PEX14: variants seen among roughly 807,000 people sequenced by gnomAD.
PEX14 encodes the protein peroxisomal membrane protein PEX14.
A neutral mutation model predicts 49.5 loss-of-function variants in PEX14; 15 were observed. The observed-to-expected ratio is 0.30, with a 90% confidence interval of 0.20 to 0.47. PEX14 has a LOEUF of 0.47. Among genes scored for constraint, PEX14 ranks in the 20% least tolerant of loss-of-function variants. The pLI, the probability that PEX14 is intolerant of heterozygous loss-of-function variation, is 1.00. For missense variants in PEX14, 398 were observed against 494.8 expected, an observed-to-expected ratio of 0.80 and a Z score of 1.86; for synonymous variants, 210 against 212.7, an observed-to-expected ratio of 0.99 and a Z score of 0.11.
chr1:10,581,387 A>G (rs768135009), intron 3 of PEX14, among the ~76,000 whole-genome samples: 2 of 149,550 alleles, frequency 1.3e-5, no homozygotes, highest in Non-Finnish European at 3.0e-5. Context: ...GCTCACTGCA[A>G]CCTGTGTCTC....
At chr1:10,550,399 G>A (rs959413874) in intron 3 of PEX14, among the ~76,000 whole-genome samples, 3 of 152,198 alleles carry the variant, frequency 2.0e-5, no homozygotes, top group Admixed American at 1.3e-4. Flanking sequence ...AATTGTCCAT[G>A]TCAGCTGTGA....
chr1:10,621,931 T>A (rs1641607733), intron 5 of PEX14, among the ~76,000 whole-genome samples: 1 of 152,056 alleles, frequency 6.6e-6, no homozygotes, highest in Admixed American at 6.5e-5. Context: ...CCCAGATAGA[T>A]TAAGAACCAA....
rs1293297918 is a variant in PEX14, at chr1:10,621,984, CTCTGG to C, written c.385-1034_385-1030del. The stretch of plus-strand genomic sequence containing the variant: ...TCCTGCCAGGCTTGCACTGCACTGC[CTCTGG>C]CAGTGCCCACTGAAGGGGGCAGCGG... On this transcript the variant is annotated intron_variant, in intron 5 of 8. Coordinates refer to ENST00000356607, the MANE Select transcript of PEX14 (RefSeq NM_004565.3). 2.6e-5 allele frequency among the ~76,000 whole-genome samples: 4 copies of C among 152,264 alleles called. No homozygotes were observed. The East Asian group carries it at 7.7e-4, about 29-fold the overall frequency.
chr1:10,503,155 C>T (rs1641712637), intron 2 of PEX14, among the ~76,000 whole-genome samples: 1 of 151,460 alleles, frequency 6.6e-6, no homozygotes, highest in Non-Finnish European at 1.5e-5. Context: ...GGGAAAAGTT[C>T]TGTTTCCTCC....
chr1:10,624,351 C>G lies in PEX14; in HGVS notation c.499C>G (p.Gln167Glu). 6.2e-7 allele frequency: 1 copy of G among 1,611,922 alleles called. No individual in the cohort carries two copies. Among genetic ancestry groups the G allele is most frequent in the Non-Finnish European group, 8.5e-7 (1 of 1,178,298 alleles). Residue 167 changes from glutamine (Q) to glutamate (E), a missense_variant, in exon 7 of 9, where the codon CAG becomes GAG. Physicochemically the swap from Gln to Glu is conservative, Grantham distance 29. Coordinates refer to ENST00000356607, the MANE Select transcript of PEX14 (RefSeq NM_004565.3). ...GSVAQTVTQL[Q>E]TTLASVQELL... ...CTTTCTCCTCGCAGTGACTCAGTTA[C>G]AGACGACCCTCGCCTCCGTCCAGGA...
At chr1:10,505,274 C>G (rs906137126) in intron 2 of PEX14, among the ~76,000 whole-genome samples, 1 of 152,004 alleles carries the variant, frequency 6.6e-6, no homozygotes, top group South Asian at 2.1e-4. Context: ...GTTTTGAGAT[C>G]AGCCTGGGCA....
chr1:10,572,248 A>G (rs1639998536), intron 3 of PEX14, among the ~76,000 whole-genome samples: 1 of 152,222 alleles, frequency 6.6e-6, no homozygotes, highest in African/African-American at 2.4e-5. Flanking sequence ...AGGATATGCC[A>G]GTACTCCAAA....
chr1:10,549,916 G>T (rs2150038), intron 3 of PEX14, among the ~76,000 whole-genome samples: 39,872 of 152,058 alleles, frequency 0.26, 5,813 homozygotes, highest in Admixed American at 0.34. Flanking sequence ...TATTTGGAAA[G>T]ATTTTTACTA....
At chr1:10,543,753 C>T (rs764713702) in intron 3 of PEX14, among the ~76,000 whole-genome samples, 2 of 152,144 alleles carry the variant, frequency 1.3e-5, no homozygotes, top group Admixed American at 6.5e-5. Context: ...ACTACAGGCA[C>T]GTGCCACCAC....
In PEX14 at chr1:10,539,893, C is replaced by T. The variant is rs1416593580; in HGVS notation, c.169+3596C>T. Among the ~76,000 whole-genome samples, 2 of 152,102 alleles carry T rather than the reference C, an allele frequency of 1.3e-5. No homozygotes were observed. The highest frequency in any genetic ancestry group is 2.9e-5 in the Non-Finnish European group (2 of 68,036). The stretch of plus-strand genomic sequence containing the variant: ...GGGGATAGAGTTGTCTGTTAACTTA[C>T]TCTAACATATCTGTTGCAAAGCAAG... On this transcript the variant is annotated intron_variant, in intron 3 of 8. Transcript: ENST00000356607. This position sits in a 1 kb window ranked among gnomAD's most constrained non-coding sequence, Gnocchi z 4.6.
chr1:10,552,357 G>A (rs60868792), intron 3 of PEX14, among the ~76,000 whole-genome samples: 2,531 of 152,194 alleles, frequency 0.017, 78 homozygotes, highest in African/African-American at 0.057. Flanking sequence ...CAGGAGAATC[G>A]TTTGAACCTG....
chr1:10,476,770 C>T (rs1047846055), intron 1 of PEX14, among the ~76,000 whole-genome samples: 4 of 152,088 alleles, frequency 2.6e-5, no homozygotes, highest in Non-Finnish European at 5.9e-5. Context: ...AGATTATATG[C>T]GTGAGCCACC....
At chr1:10,537,341 A>ATCCCCCCC (rs1553187430) in intron 3 of PEX14, among the ~76,000 whole-genome samples, 1 of 28,430 alleles carries the variant, frequency 3.5e-5, no homozygotes, top group Non-Finnish European at 6.3e-5. Context: ...TTGTGCCAGC[A>ATCCCCCCC]CCCCCCCCCC....
chr1:10,495,925 G>A lies in PEX14; in HGVS notation c.84+604G>A, dbSNP rs1032822948. On this transcript the variant is annotated intron_variant, in intron 2 of 8. Transcript: ENST00000356607. The surrounding 1 kb of genome is among the most constrained non-coding windows in gnomAD (Gnocchi z 4.2). Reference sequence around the variant, plus strand: ...TTTTGCTTTTCAGGGCCTGCTGTAAGTCCTCTTGGCTGGGTAGTAAGACTG... The same window carrying A: ...TTTTGCTTTTCAGGGCCTGCTGTAAATCCTCTTGGCTGGGTAGTAAGACTG... 1.4e-4 allele frequency among the ~76,000 whole-genome samples: 22 copies of A among 152,168 alleles called. No homozygotes were observed. The highest frequency in any genetic ancestry group is 5.3e-4 in the African/African-American group (22 of 41,450).
chr1:10,543,798 C>T (rs754328008), intron 3 of PEX14, among the ~76,000 whole-genome samples: 1 of 152,184 alleles, frequency 6.6e-6, no homozygotes, highest in Non-Finnish European at 1.5e-5. Context: ...CAGGGTCTCA[C>T]TGTGTTTCCC....
At chr1:10,604,129 A>G (rs1411332181) in intron 4 of PEX14, among the ~76,000 whole-genome samples, 4 of 152,214 alleles carry the variant, frequency 2.6e-5, no homozygotes, top group African/African-American at 9.6e-5. Flanking sequence ...CCCGTCTGGT[A>G]GGAAAGACGG....
chr1:10,487,356 C>T (rs1018891908), intron 1 of PEX14, among the ~76,000 whole-genome samples: 44 of 147,550 alleles, frequency 3.0e-4, no homozygotes, highest in African/African-American at 9.0e-4. Flanking sequence ...TTCTTTGAAA[C>T]AGTTTATATA....
chr1:10,568,293 G>A (rs12753364), intron 3 of PEX14, among the ~76,000 whole-genome samples: 90,706 of 144,810 alleles, frequency 0.63, 29,774 homozygotes, highest in Admixed American at 0.72. Flanking sequence ...GCTTTGGAGA[G>A]TGACACACAT....
chr1:10,482,349 C>T (rs1641296427), intron 1 of PEX14, among the ~76,000 whole-genome samples: 2 of 150,656 alleles, frequency 1.3e-5, no homozygotes, highest in African/African-American at 2.4e-5. Context: ...GGGCTGGTCT[C>T]GAACTCCTGA....
Sources: gnomAD v4.1 joint callset for allele counts (sites outside exome capture counted in the v4.1 genomes callset) on GRCh38, gnomAD v4.1.1 for gene constraint, Gnocchi (gnomAD v3.1) non-coding constraint, MANE v1.5 for transcripts, NCBI Gene and HGNC (gene_info 2026-07-23, HGNC 2026-07-21) for gene names.